The following VILL variants were observed in gnomAD, a reference collection of about 807,000 sequenced individuals.
VILL encodes the protein villin-like protein.
Under a neutral mutation model 106.3 loss-of-function variants are expected in VILL, and 102 were observed. The observed-to-expected ratio is 0.96, with a 90% CI of 0.82 to 1.13. The LOEUF is 1.13. Among genes scored for constraint, VILL ranks in the 50% most tolerant of loss-of-function variants. The pLI is 0.00. For synonymous variants in VILL, 431 were observed against 440.3 expected (o/e 0.98, Z 0.27); for missense variants, 1,076 against 1,116.6 (o/e 0.96, Z 0.52).
rs550342204 is a variant in VILL, at chr3:37,994,419, G to T, written c.294G>T (p.Gln98His). The change falls in exon 4 of 20, where the codon CAG (glutamine) becomes CAT (histidine). Residue 98 changes from glutamine to histidine, a missense_variant. Transcript: ENST00000383759. ...AGACCGTGCTGCACCGCGAGGCGCAGGGCCACGAGTCCGACTGCTTCTGCA... is the reference window on the plus strand; with the variant it reads ...AGACCGTGCTGCACCGCGAGGCGCATGGCCACGAGTCCGACTGCTTCTGCA... ...GGQTVLHREA[Q>H]GHESDCFCSY... is the part of the protein sequence containing the mutation. 6.2e-7 allele frequency: 1 copy of T among 1,612,786 alleles called. No individual in the cohort carries two copies. The highest frequency in any genetic ancestry group is 1.7e-5 in the Admixed American group (1 of 59,986).
intron 15 of VILL, 35 bp from the exon 16 acceptor site, chr3:38,004,220 G>A: frequency 2.5e-6 from 4 of 1,589,626 alleles, no homozygotes; most frequent in Non-Finnish European, 3.4e-6. Context: ...GTGCCCCTCT[G>A]GGTGGCTCAC....
chr3:38,005,556 T>C (rs946305132), intron 16 of VILL, among the ~76,000 whole-genome samples: 2 of 151,612 alleles, frequency 1.3e-5, no homozygotes, highest in African/African-American at 4.9e-5. Context: ...AGGTAAATCA[T>C]GCAAGAAAAA....
chr3:37,991,607 C>A (rs1485774902), intron 1 of VILL, among the ~76,000 whole-genome samples: 1 of 151,946 alleles, frequency 6.6e-6, no homozygotes, highest in Non-Finnish European at 1.5e-5. Context: ...AAAGGGAAAC[C>A]AGGGAAGGAA....
At chr3:37,996,147 A>T (rs1480006703) in intron 5 of VILL, among the ~76,000 whole-genome samples, 1 of 152,162 alleles carries the variant, frequency 6.6e-6, no homozygotes, top group Non-Finnish European at 1.5e-5. Flanking sequence ...TGATGACACC[A>T]CTGTACTCCA....
Position 37,998,201 on chromosome 3 carries a change from C to T in VILL, c.843+33C>T, listed in dbSNP as rs1456686478. On this transcript the variant is annotated intron_variant, in intron 8 of 19. Transcript: ENST00000383759. This position sits in a 1 kb window ranked among gnomAD's most constrained non-coding sequence, Gnocchi z 4.1. ...AGGCCTGGCCCCAGCTACTTGCATC[C>T]TTCCCCATCCACAACCCCAGCCCAG... 6.2e-7 allele frequency: 1 copy of T among 1,613,940 alleles called. No homozygotes were observed.
chr3:37,998,622 G>T lies in VILL; in HGVS notation c.942+258G>T, dbSNP rs1017986443. Among the ~76,000 whole-genome samples the T allele has an allele frequency of 6.6e-6, 1 of 152,134 alleles. No homozygotes were observed. The highest frequency in any genetic ancestry group is 2.4e-5 in the African/African-American group (1 of 41,432). ...AGGTCTGGGGCCCTACTGACTGGGC[G>T]GTCCCGCTTTCTGAGGGTGGGGCTG... On this transcript the variant is annotated intron_variant, in intron 9 of 19. Transcript: ENST00000383759. This position sits in a 1 kb window ranked among gnomAD's most constrained non-coding sequence, Gnocchi z 4.1.
Position 37,997,958 on chromosome 3 carries a change from G to C in VILL, c.765-132G>C. On this transcript the variant is annotated intron_variant, in intron 7 of 19. Transcript: ENST00000383759. This position sits in a 1 kb window ranked among gnomAD's most constrained non-coding sequence, Gnocchi z 4.7. ...ACAGCAAGGCTGCAGTAAAAGTGAA[G>C]ACTACAACTCGGGGCCCCAGCCCCC... 1.1e-6 allele frequency: 1 copy of C among 920,662 alleles called. No homozygotes were observed. The highest frequency in any genetic ancestry group is 2.6e-5 in the East Asian group (1 of 37,810). 57.0% of individuals were successfully genotyped at this position (920,662 alleles called of 1,614,324 possible).
chr3:37,997,544 G>C lies in VILL; in HGVS notation c.623G>C (p.Gly208Ala). 6.2e-7 allele frequency: 1 copy of C among 1,614,146 alleles called. No homozygotes were observed. The change falls in exon 7 of 20, where the codon GGT becomes GCT. Residue 208 changes from glycine (G) to alanine (A), a missense_variant. By Grantham distance (60) the Gly-to-Ala change is moderately conservative. Transcript: ENST00000383759. This position sits in a 1 kb window ranked among gnomAD's most constrained non-coding sequence, Gnocchi z 4.7. ...CGTGGTGGTGGTCGTGCACAGATTGGTGTGGTGGATGATGAGGCCAAAGCC... is the reference window on the plus strand; with the variant it reads ...CGTGGTGGTGGTCGTGCACAGATTGCTGTGGTGGATGATGAGGCCAAAGCC... ...RERGGGRAQI[G>A]VVDDEAKAPD...
chr3:37,991,371 A>C (rs1699607866), intron 1 of VILL, among the ~76,000 whole-genome samples: 1 of 149,992 alleles, frequency 6.7e-6, no homozygotes, highest in African/African-American at 2.5e-5. Context: ...GAAGAGAAGG[A>C]AAGACCTGGG....
rs751112061 is a variant in VILL, at chr3:37,999,406, C to T, written c.1149C>T (p.Leu383=). Residue 383 remains leucine (L), a synonymous_variant, in exon 11 of 20, where the codon CTC becomes CTT. Transcript: ENST00000383759. ...LHTQPKLAAQ[L]RMVDDGSGKV... The stretch of plus-strand genomic sequence containing the variant: ...CCCAGCCTAAGTTAGCGGCCCAGCT[C>T]AGGATGGTGGACGACGGCTCTGGGA... The T allele has an allele frequency of 6.7e-7, 1 of 1,492,916 alleles. No individual in the cohort carries two copies. The highest frequency in any genetic ancestry group is 1.4e-5 in the South Asian group (1 of 72,994). 92.5% of individuals were successfully genotyped at this position (1,492,916 alleles called of 1,614,324 possible).
Position 38,006,556 on chromosome 3 carries a change from G to GC in VILL, c.2314dup (p.Arg772ProfsTer36), listed in dbSNP as rs1559368605. 6.2e-7 allele frequency: 1 copy of GC among 1,614,158 alleles called. No individual in the cohort carries two copies. The highest frequency in any genetic ancestry group is 1.1e-5 in the South Asian group (1 of 91,082). Reference sequence around the variant, plus strand: ...AGGACAGCTCAGAGAATGATCTGGTGCGAAGCCCCAAGTCGGCTGGCAGCA... The same window carrying GC: ...AGGACAGCTCAGAGAATGATCTGGTGCCGAAGCCCCAAGTCGGCTGGCAGCA... On this transcript the variant is annotated frameshift_variant, in exon 19 of 20. Transcript: ENST00000383759. LOFTEE classifies it high-confidence loss of function.
At chr3:38,003,601 TC>T in intron 15 of VILL, 1 of 420,516 alleles carries the variant, frequency 2.4e-6, no homozygotes. Flanking sequence ...AAAGCACCCT[TC>T]CCCACCCTAC....
chr3:37,993,878 A>G lies in VILL; in HGVS notation c.61-20A>G. On this transcript the variant is annotated intron_variant, in intron 2 of 19. Coordinates refer to ENST00000383759, the MANE Select transcript of VILL (RefSeq NM_015873.4). ...GGGTAGAGGCCTCCTGAGTTGTTAC[A>G]GGGAACTCTCCTCTCCCAGAACCGG... The G allele has an allele frequency of 6.2e-7, 1 of 1,614,072 alleles. No individual in the cohort carries two copies. The highest frequency in any genetic ancestry group is 1.3e-5 in the African/African-American group (1 of 75,010).
chr3:37,994,478 G>A lies in VILL; in HGVS notation c.341+12G>A. 6.2e-7 allele frequency: 1 copy of A among 1,610,676 alleles called. No individual in the cohort carries two copies. The highest frequency in any genetic ancestry group is 8.5e-7 in the Non-Finnish European group (1 of 1,179,242). On this transcript the variant is annotated intron_variant, in intron 4 of 19. Coordinates refer to ENST00000383759, the MANE Select transcript of VILL (RefSeq NM_015873.4). The stretch of plus-strand genomic sequence containing the variant: ...CGCCCGGGAATCATGTGAGTGCGGG[G>A]GCGACCGGGGCAGGAGGGAGCCGTG...
Position 38,003,797 on chromosome 3 carries a change from C to A in VILL, c.1806-458C>A, listed in dbSNP as rs146330489. On this transcript the variant is annotated intron_variant, in intron 15 of 19. Coordinates refer to ENST00000383759, the MANE Select transcript of VILL (RefSeq NM_015873.4). ...GGGGAGGAGGGAGCTGAGTCCTGGTCGCTCTTGGTCTGCCTGTGGGGCTTG... is the reference window on the plus strand; with the variant it reads ...GGGGAGGAGGGAGCTGAGTCCTGGTAGCTCTTGGTCTGCCTGTGGGGCTTG... The A allele has an allele frequency of 1.8e-3, 343 of 188,394 alleles. 2 individuals are homozygous for A. Among genetic ancestry groups the A allele is most frequent in the African/African-American group, 7.3e-3 (315 of 42,884 alleles). The allele number at this position is 188,394 out of a possible 1,614,324, so 11.7% of individuals were successfully genotyped here. A position where few individuals can be genotyped will look rare whatever the true frequency, so the allele number is the denominator to read the frequency against.
chr3:37,998,784 A>G lies in VILL; in HGVS notation c.943-128A>G. 1 of 1,423,922 alleles carries G rather than the reference A, an allele frequency of 7.0e-7. No individual in the cohort carries two copies. Among genetic ancestry groups the G allele is most frequent in the Non-Finnish European group, 9.2e-7 (1 of 1,084,662 alleles). 88.2% of individuals were successfully genotyped at this position (1,423,922 alleles called of 1,614,324 possible). Reference sequence around the variant, plus strand: ...CGGTGGTGACAGAGTCAATTCGCTAAGTGGGTCATGAGCTCGGTTAATTAA... The same window carrying G: ...CGGTGGTGACAGAGTCAATTCGCTAGGTGGGTCATGAGCTCGGTTAATTAA... On this transcript the variant is annotated intron_variant, in intron 9 of 19. Transcript: ENST00000383759. This position sits in a 1 kb window ranked among gnomAD's most constrained non-coding sequence, Gnocchi z 4.1.
chr3:37,998,449 G>C lies in VILL; in HGVS notation c.942+85G>C. The C allele has an allele frequency of 8.0e-7, 1 of 1,256,594 alleles. No individual in the cohort carries two copies. Among genetic ancestry groups the C allele is most frequent in the Non-Finnish European group, 1.1e-6 (1 of 873,378 alleles). The allele number at this position is 1,256,594 out of a possible 1,614,324, so 77.8% of individuals were successfully genotyped here. A position where few individuals can be genotyped will look rare whatever the true frequency, so the allele number is the denominator to read the frequency against. ...GGCAGCTCCGCCCCAGGGTCTAAGG[G>C]AGGAATCAGCCCTCCCCTAGAGTTT... On this transcript the variant is annotated intron_variant, in intron 9 of 19. Transcript: ENST00000383759. This position sits in a 1 kb window ranked among gnomAD's most constrained non-coding sequence, Gnocchi z 4.1.
rs1160624645 is a variant in VILL at position 37,994,344 on chromosome 3, G to A, written c.219G>A (p.Gln73=). 6.2e-7 allele frequency: 1 copy of A among 1,611,432 alleles called. No individual in the cohort carries two copies. Among genetic ancestry groups the A allele is most frequent in the South Asian group, 1.1e-5 (1 of 91,044 alleles). Residue 73 remains glutamine, a synonymous_variant, in exon 4 of 20, where the codon CAG becomes CAA. Coordinates refer to ENST00000383759, the MANE Select transcript of VILL (RefSeq NM_015873.4). ...WVGKQAGAEA[Q]GAAEAFQQRL... The stretch of plus-strand genomic sequence containing the variant: ...GGAAGCAGGCGGGTGCGGAAGCGCA[G>A]GGCGCTGCGGAGGCCTTCCAGCAGC...
Position 38,003,200 on chromosome 3 carries a change from G to C in VILL, c.1692G>C (p.Arg564=), listed in dbSNP as rs750006183. The part of the protein sequence containing the change: ...GCNGDQREMA[R]VVVTVISRKN... ...ATGGTGATCAGCGTGAGATGGCACG[G>C]GTGGTGGTCACTGTCATTTCCAGGA... is the stretch of plus-strand genomic sequence containing the variant. The change falls in exon 15 of 20, where the codon CGG becomes CGC. Residue 564 remains arginine, a synonymous_variant. Coordinates refer to ENST00000383759, the MANE Select transcript of VILL (RefSeq NM_015873.4). The C allele has an allele frequency of 1.2e-6, 2 of 1,614,046 alleles. No homozygotes were observed. Among genetic ancestry groups the C allele is most frequent in the Admixed American group, 1.7e-5 (1 of 60,024 alleles).
Sources: allele counts gnomAD v4.1 joint callset (sites outside exome capture counted in the v4.1 genomes callset), GRCh38; gene constraint gnomAD v4.1.1; non-coding constraint Gnocchi (gnomAD v3.1); transcripts MANE v1.5; gene names NCBI Gene and HGNC (gene_info 2026-07-23, HGNC 2026-07-21).